AMZ1: variants seen among roughly 807,000 people sequenced by gnomAD.
AMZ1 encodes archaelysin family metallopeptidase 1, also known as archaemetzincin-1.
In AMZ1, 39 loss-of-function variants were observed where a neutral mutation model predicts 29.9. The ratio of observed to expected loss-of-function variants is 1.30; its 90% CI spans 1.01 to 1.70. The LOEUF is 1.70. AMZ1 is among the 40% of genes most tolerant of loss of function. The probability of loss-of-function intolerance (pLI) is 0.00; values close to 1 mark genes in which losing one functional copy is unlikely to be tolerated. For synonymous variants in AMZ1, 458 were observed against 304.0 expected, an observed-to-expected ratio of 1.51 and a Z score of -5.27; for missense variants, 1,041 against 680.6, an observed-to-expected ratio of 1.53 and a Z score of -5.89.
chr7:2,706,102 C>G (rs1788340084), intron 3 of AMZ1, among the ~76,000 whole-genome samples: 1 of 152,236 alleles, frequency 6.6e-6, no homozygotes, highest in Non-Finnish European at 1.5e-5. Context: ...AAAGGACATG[C>G]ACTCGGGAAG....
At chr7:2,709,992 C>T (rs1200344298) in intron 6 of AMZ1, among the ~76,000 whole-genome samples, 176 bp downstream of exon 6, 1 of 152,240 alleles carries the variant, frequency 6.6e-6, no homozygotes, top group Admixed American at 6.5e-5. Flanking sequence ...CCGGATCTCA[C>T]TGGCAGTAGA....
chr7:2,733,624 G>A, intron 4 of AMZ1: 24 of 713,428 alleles, frequency 3.4e-5, no homozygotes, highest in Admixed American at 2.2e-4. Context: ...GAAAGCAAAG[G>A]AAAAAGGCAG....
Position 2,700,401 on chromosome 7 carries a change from C to G in AMZ1, c.-51C>G, listed in dbSNP as rs1431134607. 1.9e-6 allele frequency: 3 copies of G among 1,565,864 alleles called. No homozygotes were observed. Among genetic ancestry groups the G allele is most frequent in the African/African-American group, 2.7e-5 (2 of 74,188 alleles). On this transcript the variant is annotated 5_prime_UTR_variant, in exon 2 of 7. Coordinates refer to ENST00000683327, the MANE Select transcript of AMZ1 (RefSeq NM_001384743.1). ...GACCGTGGCCGTCCCCCGGGTGGCC[C>G]ATGGACAGCAGCAGGGGCTCCCAGG...
rs1787253357 is a variant in AMZ1, at chr7:2,689,383, C to T, written c.-219+1087C>T. On this transcript the variant is annotated intron_variant, in intron 1 of 6. Coordinates refer to ENST00000683327, the MANE Select transcript of AMZ1 (RefSeq NM_001384743.1). The stretch of plus-strand genomic sequence containing the variant: ...GCAGAACCTCCCTGGGGGGGGGATG[C>T]GGACGTGCTCTTTTCCAGTCTTTGG... Among the ~76,000 whole-genome samples the T allele has an allele frequency of 2.1e-5, 3 of 143,958 alleles. No individual in the cohort carries two copies. In the South Asian group the frequency reaches 6.6e-4, roughly 32 times the overall value. 94.4% of individuals were successfully genotyped at this position (143,958 alleles called of 152,430 possible). A position where few individuals can be genotyped will look rare whatever the true frequency, so the allele number is the denominator to read the frequency against.
At chr7:2,708,109 C>T (rs1190156813) in intron 3 of AMZ1, among the ~76,000 whole-genome samples, 2 of 152,162 alleles carry the variant, frequency 1.3e-5, no homozygotes. Context: ...AGGTGTGAGC[C>T]ACTGTGCCCG....
intron 4 of AMZ1, among the ~76,000 whole-genome samples, chr7:2,734,781 G>C (rs1171389972): frequency 6.6e-6 from 1 of 152,118 alleles, no homozygotes; most frequent in Non-Finnish European, 1.5e-5. Context: ...TGTGTTGAGC[G>C]AGCACACATC....
At position 2,712,714 on chromosome 7, in the gene AMZ1, G is replaced by T. The variant is rs781067066; in HGVS notation, c.1333G>T (p.Gly445Cys). 1.1e-5 allele frequency: 17 copies of T among 1,610,278 alleles called. No individual in the cohort carries two copies. Among genetic ancestry groups the T allele is most frequent in the Admixed American group, 6.7e-5 (4 of 59,780 alleles). The change falls in exon 7 of 7, where the codon GGC (glycine) becomes TGC (cysteine). Residue 445 changes from glycine to cysteine, a missense_variant. Physicochemically the swap from Gly to Cys is radical, Grantham distance 159 (BLOSUM62 -3). Transcript: ENST00000683327. ...DALDRWEMFT[G>C]QLPATRQDPP... ...CCTCGACCGCTGGGAGATGTTCACG[G>T]GCCAGCTCCCGGCCACCAGGCAGGA...
At chr7:2,729,743 T>A (rs1042059862) in intron 4 of AMZ1, 3 of 152,366 alleles carry the variant, frequency 2.0e-5, no homozygotes, top group African/African-American at 7.2e-5. Context: ...AAGAGGACGC[T>A]TTTCATTTTC....
chr7:2,721,153 G>C (rs1364229266), downstream of AMZ1, among the ~76,000 whole-genome samples: 3 of 152,214 alleles, frequency 2.0e-5, no homozygotes, highest in Non-Finnish European at 2.9e-5. Flanking sequence ...CCAATGCCGG[G>C]AGGAAGAGCA....
chr7:2,723,259 T>C (rs550861653), downstream of AMZ1, among the ~76,000 whole-genome samples: 15 of 152,338 alleles, frequency 9.8e-5, no homozygotes, highest in South Asian at 3.1e-3. Context: ...CACCCACAGC[T>C]AAGTCACAAG....
At position 2,700,760 on chromosome 7, in the gene AMZ1, G is replaced by A. The variant is rs375324319; in HGVS notation, c.304+5G>A. 167 of 1,609,260 alleles carry A rather than the reference G, an allele frequency of 1.0e-4. No individual in the cohort carries two copies. The highest frequency in any genetic ancestry group is 5.0e-4 in the Admixed American group (30 of 59,926). On this transcript the variant is annotated splice_donor_5th_base_variant and intron_variant, in intron 2 of 6. Coordinates refer to ENST00000683327, the MANE Select transcript of AMZ1 (RefSeq NM_001384743.1). The stretch of plus-strand genomic sequence containing the variant: ...ACATCTACCTACAGCCGATAGGTAC[G>A]GGACGCCTGCAGCCATCGGCACGCT...
At chr7:2,680,204 G>A (rs1786833318) in intron 1 of AMZ1, among the ~76,000 whole-genome samples, 1 of 152,118 alleles carries the variant, frequency 6.6e-6, no homozygotes, top group South Asian at 2.1e-4. Context: ...GGGATGATGT[G>A]GTTTCCTGGG....
rs560360799 is a variant in AMZ1, at chr7:2,746,832, G to T, written n.551-17880G>T. ...ATAGATGCAATAAAAAATGATAAAGGGGATATCATCACCAATCCCACAGAA... is the reference window on the plus strand; with the variant it reads ...ATAGATGCAATAAAAAATGATAAAGTGGATATCATCACCAATCCCACAGAA... On this transcript the variant is annotated intron_variant and non_coding_transcript_variant, in intron 4 of 4. Transcript: ENST00000489665. Among the ~76,000 whole-genome samples, 1,410 of 152,042 alleles carry T rather than the reference G, an allele frequency of 9.3e-3. 26 individuals are homozygous for T. Among genetic ancestry groups the T allele is most frequent in the Non-Finnish European group, 0.011 (729 of 67,986 alleles).
chr7:2,716,565 CCCA>C lies in AMZ1; in HGVS notation c.*3691_*3693del, dbSNP rs1789134607. 1 of 152,232 alleles carries C rather than the reference CCCA, an allele frequency of 6.6e-6. No individual in the cohort carries two copies. Among genetic ancestry groups the C allele is most frequent in the African/African-American group, 2.4e-5 (1 of 41,446 alleles). The allele number at this position is 152,232 out of a possible 1,614,324, so 9.4% of individuals were successfully genotyped here. A position where few individuals can be genotyped will look rare whatever the true frequency, so the allele number is the denominator to read the frequency against. ...TAAAGCTGGGAGTCCAAATTTAGAT[CCCA>C]CCAAGTTCAAAGGGGGAGGCTAGAA... On this transcript the variant is annotated 3_prime_UTR_variant, in exon 7 of 7. Coordinates refer to ENST00000683327, the MANE Select transcript of AMZ1 (RefSeq NM_001384743.1).
intron 4 of AMZ1, among the ~76,000 whole-genome samples, chr7:2,759,067 G>A (rs1791432730): frequency 6.6e-6 from 1 of 151,570 alleles, no homozygotes; most frequent in Non-Finnish European, 1.5e-5. Flanking sequence ...TTGAACCCAG[G>A]GGGCGGAGGT....
chr7:2,688,994 TGAG>T (rs1787220519), intron 1 of AMZ1, among the ~76,000 whole-genome samples: 1 of 152,116 alleles, frequency 6.6e-6, no homozygotes, highest in Non-Finnish European at 1.5e-5. Context: ...GGTTCGCAGG[TGAG>T]GAGAGAGAAC....
chr7:2,746,839 C>T (rs1790788108), intron 4 of AMZ1, among the ~76,000 whole-genome samples: 1 of 149,284 alleles, frequency 6.7e-6, no homozygotes, highest in Admixed American at 6.7e-5. Flanking sequence ...AAGGGGATAT[C>T]ATCACCAATC....
chr7:2,764,627 G>T (rs1345640902), exon 1 of AMZ1: 2 of 152,228 alleles, frequency 1.3e-5, no homozygotes, highest in Non-Finnish European at 2.9e-5. Flanking sequence ...CCTGTCAGCT[G>T]GTCTCATCAG....
Position 2,714,866 on chromosome 7 carries a change from C to T in AMZ1, c.*1988C>T, listed in dbSNP as rs916231265. On this transcript the variant is annotated 3_prime_UTR_variant, in exon 7 of 7. Coordinates refer to ENST00000683327, the MANE Select transcript of AMZ1 (RefSeq NM_001384743.1). ...ACCCGACAAACAGGGCAGCCAGAGC[C>T]AGACAGCAGGCTCCTGGTCCCAGTC... is the stretch of plus-strand genomic sequence containing the variant. The T allele has an allele frequency of 6.6e-6, 1 of 152,326 alleles. No individual in the cohort carries two copies. Among genetic ancestry groups the T allele is most frequent in the African/African-American group, 2.4e-5 (1 of 41,434 alleles). The allele number at this position is 152,326 out of a possible 1,614,324, so 9.4% of individuals were successfully genotyped here.
Sources: allele counts gnomAD v4.1 joint callset (sites outside exome capture counted in the v4.1 genomes callset), GRCh38; gene constraint gnomAD v4.1.1; transcripts MANE v1.5; gene names NCBI Gene and HGNC (gene_info 2026-07-23, HGNC 2026-07-21).